Variants in SLC2A11 observed in about 807,000 individuals in gnomAD.
The protein encoded by SLC2A11 is solute carrier family 2 member 11.
Under a neutral mutation model 52.1 loss-of-function variants are expected in SLC2A11, and 43 were observed. That is an observed-to-expected ratio of 0.82 (90% CI 0.65 to 1.06). The LOEUF is 1.06. Ranked by LOEUF, SLC2A11 falls within the 50% of genes least tolerant of loss-of-function variation. SLC2A11 has a pLI of 0.00. For synonymous variants in SLC2A11, 261 were observed against 277.6 expected (o/e 0.94, Z 0.59); for missense variants, 582 against 654.2 (o/e 0.89, Z 1.20).
rs762568914 is a variant in SLC2A11, at chr22:23,862,176, C to G, written c.103C>G (p.Leu35Val). 1 of 1,614,154 alleles carries G rather than the reference C, an allele frequency of 6.2e-7. No homozygotes were observed. Among genetic ancestry groups the G allele is most frequent in the South Asian group, 1.1e-5 (1 of 91,076 alleles). ...IGGTFQFGYNLSIINAPTLHI... is the reference protein window; with the variant it reads ...IGGTFQFGYNVSIINAPTLHI... The stretch of plus-strand genomic sequence containing the variant: ...TGGGACTTTTCAGTTTGGCTATAAC[C>G]TCTCTATCATCAATGCCCCGACCTT... Residue 35 changes from leucine (L) to valine (V), a missense_variant, in exon 2 of 12, where the codon CTC becomes GTC. Physicochemically the swap from Leu to Val is conservative, Grantham distance 32. Coordinates refer to ENST00000316185, the MANE Select transcript of SLC2A11 (RefSeq NM_001024939.4).
intron 4 of SLC2A11, among the ~76,000 whole-genome samples, chr22:23,876,284 C>A (rs1159818634): frequency 6.6e-6 from 1 of 152,116 alleles, no homozygotes; most frequent in Admixed American, 6.5e-5. Context: ...GTCTTCATGT[C>A]CCAAGTACCC....
chr22:23,865,125 C>G (rs368217130), intron 2 of SLC2A11: 3 of 85,658 alleles, frequency 3.5e-5, no homozygotes, highest in South Asian at 7.2e-4. Flanking sequence ...AAAAAAAAAC[C>G]AGAAAACAAA....
intron 3 of SLC2A11, among the ~76,000 whole-genome samples, chr22:23,874,333 C>CT (rs1256475400): frequency 1.3e-5 from 2 of 152,166 alleles, no homozygotes; most frequent in South Asian, 4.1e-4. Flanking sequence ...GTCACCGAGG[C>CT]TGGAGTGCAG....
chr22:23,862,349 A>T, intron 2 of SLC2A11, 147 bp downstream of exon 2: 1 of 675,248 alleles, frequency 1.5e-6, no homozygotes, highest in South Asian at 1.7e-5. Context: ...AGGTTCCTGC[A>T]GGTTCAAACT....
rs2032343463 is a variant in SLC2A11 at position 23,868,532 on chromosome 22, C to G, written c.181C>G (p.Leu61Val). 6.2e-7 allele frequency: 1 copy of G among 1,614,262 alleles called. No homozygotes were observed. The highest frequency in any genetic ancestry group is 1.3e-5 in the African/African-American group (1 of 75,074). Residue 61 changes from leucine (L) to valine (V), a missense_variant, in exon 3 of 12, where the codon CTG (leucine) becomes GTG (valine). Coordinates refer to ENST00000316185, the MANE Select transcript of SLC2A11 (RefSeq NM_001024939.4). ...ATGGCAGGCGCGTACTGGAGAGCCA[C>G]TGCCCGATCACCTAGTCCTGCTTAT... Reference protein sequence around the residue: ...ETWQARTGEPLPDHLVLLMWS... With the variant: ...ETWQARTGEPVPDHLVLLMWS...
At position 23,857,896 on chromosome 22, in the gene SLC2A11, C is replaced by A. The variant is rs1026531095; in HGVS notation, c.-104C>A. The A allele has an allele frequency of 3.2e-6, 5 of 1,565,402 alleles. No individual in the cohort carries two copies. In the African/African-American group the frequency reaches 5.4e-5, roughly 17 times the overall value. ...GCGCCTCTTTCACCACTGGGCGCTG[C>A]GCGCTGCCCTTCCCTCCGCGCACAG... On this transcript the variant is annotated 5_prime_UTR_variant, in exon 1 of 12. Coordinates refer to ENST00000316185, the MANE Select transcript of SLC2A11 (RefSeq NM_001024939.4).
At position 23,883,966 on chromosome 22, in the gene SLC2A11, A is replaced by G. The variant is rs1250950719; in HGVS notation, c.1113A>G (p.Thr371=). The change falls in exon 10 of 12, where the codon ACA becomes ACG. Residue 371 remains threonine, a synonymous_variant. Transcript: ENST00000316185. The stretch of plus-strand genomic sequence containing the variant: ...CACGGCAGAGCTCCTTCCCCTGGAC[A>G]CTCTACCTGGCCATGGCCTGCATCT... The part of the protein sequence containing the change: ...ALCLQSSFPW[T]LYLAMACIFA... 55 of 1,612,506 alleles carry G rather than the reference A, an allele frequency of 3.4e-5. No individual in the cohort carries two copies. The highest frequency in any genetic ancestry group is 4.5e-5 in the Non-Finnish European group (53 of 1,179,638).
At chr22:23,864,611 GTTTA>G (rs946955552) in intron 2 of SLC2A11, among the ~76,000 whole-genome samples, 1 of 152,014 alleles carries the variant, frequency 6.6e-6, no homozygotes, top group Non-Finnish European at 1.5e-5. Flanking sequence ...TGATGCATTG[GTTTA>G]TTTATTCATT....
chr22:23,857,738 C>T (rs1436236813), upstream of SLC2A11: 1 of 1,295,420 alleles, frequency 7.7e-7, no homozygotes, highest in Non-Finnish European at 1.0e-6. Context: ...GAGTCTCAGG[C>T]CTTAGTCCCG....
chr22:23,882,719 G>A (rs1036474090), intron 7 of SLC2A11, 40 bp from the exon 8 acceptor site: 1 of 1,606,482 alleles, frequency 6.2e-7, no homozygotes. Flanking sequence ...AGCCATGGGA[G>A]GTGGAAGGGA....
chr22:23,857,644 T>C (rs1312347542), upstream of SLC2A11: 2 of 945,654 alleles, frequency 2.1e-6, no homozygotes, highest in Non-Finnish European at 3.0e-6. Context: ...CCCCAGCCCT[T>C]CTTAAAAACG....
rs182097368 is a variant in SLC2A11, at chr22:23,861,117, T to C, written c.31-987T>C. On this transcript the variant is annotated intron_variant, in intron 1 of 11. Coordinates refer to ENST00000316185, the MANE Select transcript of SLC2A11 (RefSeq NM_001024939.4). Reference sequence around the variant, plus strand: ...GCCTCGGCCTCCCAAAGTGCTGGGATTACAGGCATGAGCCACTGCGCCCGG... The same window carrying C: ...GCCTCGGCCTCCCAAAGTGCTGGGACTACAGGCATGAGCCACTGCGCCCGG... Among the ~76,000 whole-genome samples the C allele has an allele frequency of 6.8e-3, 1,028 of 151,880 alleles. 11 individuals carry two copies. Among genetic ancestry groups the C allele is most frequent in the African/African-American group, 0.024 (989 of 41,450 alleles).
chr22:23,881,789 CAG>C (rs1245459795), intron 6 of SLC2A11: 1 of 119,772 alleles, frequency 8.3e-6, no homozygotes, highest in Non-Finnish European at 1.8e-5. Flanking sequence ...GACACAGAGA[CAG>C]AGAGATTGAG....
chr22:23,886,207 T>C lies in SLC2A11; in HGVS notation c.*1358T>C, dbSNP rs2032990651. On this transcript the variant is annotated 3_prime_UTR_variant, in exon 12 of 12. Coordinates refer to ENST00000316185, the MANE Select transcript of SLC2A11 (RefSeq NM_001024939.4). ...TATTGCTGAGTAGTATTCCCCTCTG[T>C]GGTTAGACCATGATTTATTTATCCA... The C allele has an allele frequency of 6.6e-6, 1 of 152,254 alleles. No individual in the cohort carries two copies. The highest frequency in any genetic ancestry group is 2.4e-5 in the African/African-American group (1 of 41,468). The allele number at this position is 152,254 out of a possible 1,614,324, so 9.4% of individuals were successfully genotyped here.
chr22:23,867,318 T>C (rs1322780906), intron 2 of SLC2A11: 1 of 158,864 alleles, frequency 6.3e-6, no homozygotes, highest in Admixed American at 6.3e-5. Context: ...GCCTCCCAAG[T>C]AGCTGGGATT....
chr22:23,862,240 A>T, intron 2 of SLC2A11, 38 bp downstream of exon 2: 18 of 1,588,954 alleles, frequency 1.1e-5, no homozygotes, highest in Non-Finnish European at 1.6e-5. Context: ...TCCCTGTCTG[A>T]GTGGGTACTG....
At chr22:23,865,119 A>AAAAAT (rs1568986183) in intron 2 of SLC2A11, 1 of 149,882 alleles carries the variant, frequency 6.7e-6, no homozygotes, top group African/African-American at 2.5e-5. Context: ...AAAAAAAAAA[A>AAAAAT]AAAACCAGAA....
Position 23,878,465 on chromosome 22 carries a change from C to T in SLC2A11, c.694+596C>T, listed in dbSNP as rs748410761. Among the ~76,000 whole-genome samples, 11 of 152,086 alleles carry T rather than the reference C, an allele frequency of 7.2e-5. No individual in the cohort carries two copies. The South Asian group carries it at 1.0e-3, about 14-fold the overall frequency. On this transcript the variant is annotated intron_variant, in intron 6 of 11. Transcript: ENST00000316185. ...TCTGTCCTCTCACTTTTGGTACCAACGAGTTAGCCTAGGAATAGCATGGTG... is the reference window on the plus strand; with the variant it reads ...TCTGTCCTCTCACTTTTGGTACCAATGAGTTAGCCTAGGAATAGCATGGTG...
At position 23,882,205 on chromosome 22, in the gene SLC2A11, CA is replaced by C. The variant is rs2032834980; in HGVS notation, c.695-253del. ...AGGCAGAGAGAGAGAGAAACACACACACACACACAGACACAGAGACAGAGAG... is the reference window on the plus strand; with the variant it reads ...AGGCAGAGAGAGAGAGAAACACACACCACACACAGACACAGAGACAGAGAG... On this transcript the variant is annotated intron_variant, in intron 6 of 11. Transcript: ENST00000316185. 7 of 552,814 alleles carry C rather than the reference CA, an allele frequency of 1.3e-5. No homozygotes were observed. The South Asian group carries it at 1.7e-4, about 13-fold the overall frequency. The allele number at this position is 552,814 out of a possible 1,614,324, so 34.2% of individuals were successfully genotyped here. A position where few individuals can be genotyped will look rare whatever the true frequency, so the allele number is the denominator to read the frequency against.
Sources: allele counts gnomAD v4.1 joint callset (sites outside exome capture counted in the v4.1 genomes callset), GRCh38; gene constraint gnomAD v4.1.1; transcripts MANE v1.5; gene names NCBI Gene and HGNC (gene_info 2026-07-23, HGNC 2026-07-21).